CD8A: variants seen among roughly 807,000 people sequenced by gnomAD.
CD8A encodes the protein CD8 subunit alpha, also known as T-cell surface glycoprotein CD8 alpha chain.
Under a neutral mutation model 24.2 loss-of-function variants are expected in CD8A, and 25 were observed. That is an observed-to-expected ratio of 1.03 (90% CI 0.75 to 1.44). The LOEUF (loss-of-function observed/expected upper bound fraction) is 1.44, where lower values mean the gene tolerates loss of function less well. CD8A is among the 40% of genes most tolerant of loss of function. The pLI is 0.00. For synonymous variants in CD8A, 165 were observed against 149.9 expected, an observed-to-expected ratio of 1.10 and a Z score of -0.74; for missense variants, 360 against 319.7, an observed-to-expected ratio of 1.13 and a Z score of -0.96.
At chr2:86,801,671 A>G (rs1673678832) in intron 2 of CD8A, 1 of 152,164 alleles carries the variant, frequency 6.6e-6, no homozygotes, top group Non-Finnish European at 1.5e-5. Context: ...TTTGAAAAAA[A>G]AAGGAAAAAG....
At chr2:86,793,302 A>G (rs1200042683), upstream of CD8A, among the ~76,000 whole-genome samples, 2 of 152,200 alleles carry the variant, frequency 1.3e-5, no homozygotes, top group African/African-American at 2.4e-5. Flanking sequence ...GATATAATGT[A>G]TCTGTATCAC....
At chr2:86,805,377 C>T (rs936790817) in intron 2 of CD8A, among the ~76,000 whole-genome samples, 4 of 152,100 alleles carry the variant, frequency 2.6e-5, no homozygotes, top group African/African-American at 7.2e-5. Flanking sequence ...ATGACTGATT[C>T]GAAAGATGTG....
At position 86,804,794 on chromosome 2, in the gene CD8A, CTTTTTTTTTTT is replaced by C. The variant is rs70958908; in HGVS notation, c.-418+2642_-418+2652del. On this transcript the variant is annotated intron_variant, in intron 2 of 8. Transcript: ENST00000409511. ...AGCCATTCACTGTTCCTTGCTAAAT[CTTTTTTTTTTT>C]TTTTTTTTTTTTTTTGAGACAGAGT... 7.9e-3 allele frequency among the ~76,000 whole-genome samples: 745 copies of C among 94,058 alleles called. 9 individuals are homozygous for C. Among genetic ancestry groups the C allele is most frequent in the African/African-American group, 0.029 (690 of 23,930 alleles). The allele number at this position is 94,058 out of a possible 152,430, so 61.7% of individuals were successfully genotyped here.
intron 2 of CD8A, among the ~76,000 whole-genome samples, chr2:86,789,961 G>C (rs1044356700): frequency 6.6e-6 from 1 of 151,936 alleles, no homozygotes; most frequent in Non-Finnish European, 1.5e-5. Context: ...GCCCAGAGCC[G>C]GAGCGCAGGA....
upstream of CD8A, chr2:86,791,442 T>G: frequency 2.2e-6 from 1 of 444,496 alleles, no homozygotes; most frequent in South Asian, 1.6e-5. Flanking sequence ...CAGCCGAAGC[T>G]TTGGGTGTCG....
intron 5 of CD8A, among the ~76,000 whole-genome samples, chr2:86,786,484 G>A (rs1673000425): frequency 6.6e-6 from 1 of 152,198 alleles, no homozygotes; most frequent in Non-Finnish European, 1.5e-5. Context: ...TTCATCATGA[G>A]CGTCATGTCT....
Position 86,785,083 on chromosome 2 carries a change from C to T in CD8A, c.*837G>A, listed in dbSNP as rs1486122159. 2 of 454,098 alleles carry T rather than the reference C, an allele frequency of 4.4e-6. No homozygotes were observed. Among genetic ancestry groups the T allele is most frequent in the East Asian group, 1.4e-4 (2 of 14,396 alleles). The allele number at this position is 454,098 out of a possible 1,614,324, so 28.1% of individuals were successfully genotyped here. A position where few individuals can be genotyped will look rare whatever the true frequency, so the allele number is the denominator to read the frequency against. Reference sequence around the variant, plus strand: ...GGGCCTTAGTTTAACCTCACTGATGCTCAAATTCTATTTGTAAAGGGGTAG... The same window carrying T: ...GGGCCTTAGTTTAACCTCACTGATGTTCAAATTCTATTTGTAAAGGGGTAG... On this transcript the variant is annotated 3_prime_UTR_variant, in exon 6 of 6. Coordinates refer to ENST00000283635, the MANE Select transcript of CD8A (RefSeq NM_001768.7).
upstream of CD8A, among the ~76,000 whole-genome samples, chr2:86,794,676 G>A (rs1021641871): frequency 6.6e-6 from 1 of 151,938 alleles, no homozygotes; most frequent in Non-Finnish European, 1.5e-5. Context: ...TTCTGCTCTG[G>A]TCCCTTCTAG....
Position 86,790,574 on chromosome 2 carries a change from C to G in CD8A, c.157G>C (p.Gly53Arg). The change falls in exon 2 of 6, where the codon GGC (glycine) becomes CGC (arginine). Residue 53 changes from glycine to arginine, a missense_variant. Gly to Arg is a moderately radical substitution (Grantham distance 125, BLOSUM62 -2). Transcript: ENST00000283635. ...CQVLLSNPTS[G>R]CSWLFQPRGA... ...CGCGGCTGGAAGAGCCACGAGCAGC[C>G]CGACGTCGGGTTGGACAGCAGCACC... is the stretch of plus-strand genomic sequence containing the variant. 6.2e-7 allele frequency: 1 copy of G among 1,612,920 alleles called. No individual in the cohort carries two copies.
upstream of CD8A, chr2:86,791,356 C>G (rs1233555103): frequency 2.7e-6 from 1 of 364,036 alleles, no homozygotes; most frequent in East Asian, 7.3e-5. Flanking sequence ...TTCTGAGGAA[C>G]TCGCTAGAGC....
At position 86,785,521 on chromosome 2, in the gene CD8A, C is replaced by T; in HGVS notation, c.*399G>A. 1 of 467,830 alleles carries T rather than the reference C, an allele frequency of 2.1e-6. No homozygotes were observed. The highest frequency in any genetic ancestry group is 6.6e-4 in the Middle Eastern group (1 of 1,520). The allele number at this position is 467,830 out of a possible 1,614,324, so 29.0% of individuals were successfully genotyped here. On this transcript the variant is annotated 3_prime_UTR_variant, in exon 6 of 6. Transcript: ENST00000283635. ...AGGTCCCTCCAGCTACTGCTCCAAC[C>T]CTGACTTGCTGTGTGCCTTTGATCA...
chr2:86,789,407 A>G lies in CD8A; in HGVS notation c.541T>C (p.Cys181Arg), dbSNP rs1277109787. 10 of 1,613,798 alleles carry G rather than the reference A, an allele frequency of 6.2e-6. No individual in the cohort carries two copies. Among genetic ancestry groups the G allele is most frequent in the Admixed American group, 3.3e-5 (2 of 60,008 alleles). Residue 181 changes from cysteine to arginine, a missense_variant, in exon 4 of 6, where the codon TGT (cysteine) becomes CGT (arginine). By Grantham distance (180) the Cys-to-Arg change is radical (BLOSUM62 -3). Coordinates refer to ENST00000283635, the MANE Select transcript of CD8A (RefSeq NM_001768.7). ...AVHTRGLDFA[C>R]DIYIWAPLAG... Reference sequence around the variant, plus strand: ...AAGGGCGCCCAGATGTAGATATCACAGGCGAAGTCCAGCCCCCTCGTGTGC... The same window carrying G: ...AAGGGCGCCCAGATGTAGATATCACGGGCGAAGTCCAGCCCCCTCGTGTGC...
intron 2 of CD8A, among the ~76,000 whole-genome samples, chr2:86,801,826 A>G (rs1003090279): frequency 6.6e-6 from 1 of 152,234 alleles, no homozygotes; most frequent in Non-Finnish European, 1.5e-5. Context: ...AATAAATAAA[A>G]TAAATCCTGT....
Position 86,790,792 on chromosome 2 carries a change from G to T in CD8A, c.34C>A (p.Leu12Met). ...ALPVTALLLP[L>M]ALLLHAARPS... ...TCAAACTCACGGAGCAGCAAGGCCA[G>T]CGGCAGGAGCAAGGCGGTCACTGGT... Residue 12 changes from leucine (L) to methionine (M), a missense_variant, in exon 1 of 6, where the codon CTG becomes ATG. Transcript: ENST00000283635. The T allele has an allele frequency of 6.6e-7, 1 of 1,504,670 alleles. No individual in the cohort carries two copies. The highest frequency in any genetic ancestry group is 8.9e-7 in the Non-Finnish European group (1 of 1,124,582). 93.2% of individuals were successfully genotyped at this position (1,504,670 alleles called of 1,614,324 possible). A position where few individuals can be genotyped will look rare whatever the true frequency, so the allele number is the denominator to read the frequency against.
At position 86,785,685 on chromosome 2, in the gene CD8A, C is replaced by T. The variant is rs1234044826; in HGVS notation, c.*235G>A. The T allele has an allele frequency of 4.4e-6, 3 of 688,060 alleles. No homozygotes were observed. The highest frequency in any genetic ancestry group is 8.0e-6 in the Non-Finnish European group (3 of 376,428). The allele number at this position is 688,060 out of a possible 1,614,324, so 42.6% of individuals were successfully genotyped here. ...TGGCCTGCCCCTTTCCACGCCCTAC[C>T]GCGATGTGCGCACAACAGTATTGTG... On this transcript the variant is annotated 3_prime_UTR_variant, in exon 6 of 6. Coordinates refer to ENST00000283635, the MANE Select transcript of CD8A (RefSeq NM_001768.7).
rs1672954802 is a variant in CD8A, at chr2:86,785,397, TC to T, written c.*522del. Reference sequence around the variant, plus strand: ...ATCCCAGGTATCAAGAAGTACTTGTTCCCTTGCCGTTGGAGACTCAAGCACC... The same window carrying T: ...ATCCCAGGTATCAAGAAGTACTTGTTCCTTGCCGTTGGAGACTCAAGCACC... On this transcript the variant is annotated 3_prime_UTR_variant, in exon 6 of 6. Coordinates refer to ENST00000283635, the MANE Select transcript of CD8A (RefSeq NM_001768.7). 1 of 454,532 alleles carries T rather than the reference TC, an allele frequency of 2.2e-6. No individual in the cohort carries two copies. The highest frequency in any genetic ancestry group is 1.6e-5 in the South Asian group (1 of 64,470). 28.2% of individuals were successfully genotyped at this position (454,532 alleles called of 1,614,324 possible).
intron 3 of CD8A, among the ~76,000 whole-genome samples, chr2:86,796,754 C>G (rs971850165): frequency 1.3e-5 from 2 of 152,142 alleles, no homozygotes; most frequent in Non-Finnish European, 2.9e-5. Context: ...AACTATCAGG[C>G]CTCCCAGATG....
In CD8A at chr2:86,790,758, C is replaced by T. The variant is rs1199165528; in HGVS notation, c.49+19G>A. 2.6e-6 allele frequency: 4 copies of T among 1,533,426 alleles called. No individual in the cohort carries two copies. In the East Asian group the frequency reaches 7.3e-5, roughly 28 times the overall value. 95.0% of individuals were successfully genotyped at this position (1,533,426 alleles called of 1,614,324 possible). On this transcript the variant is annotated intron_variant, in intron 1 of 5. Coordinates refer to ENST00000283635, the MANE Select transcript of CD8A (RefSeq NM_001768.7). Reference sequence around the variant, plus strand: ...CCCGCCCGCCCCATCCCCTGCCTTCCCGGGCGTCTCAAACTCACGGAGCAG... The same window carrying T: ...CCCGCCCGCCCCATCCCCTGCCTTCTCGGGCGTCTCAAACTCACGGAGCAG...
At chr2:86,799,572 C>T (rs555377022) in intron 3 of CD8A, among the ~76,000 whole-genome samples, 2 of 151,548 alleles carry the variant, frequency 1.3e-5, no homozygotes, top group Non-Finnish European at 2.9e-5. Flanking sequence ...CTGGCTAACA[C>T]GGTGAAACCC....
Sources: gnomAD v4.1 joint callset for allele counts (sites outside exome capture counted in the v4.1 genomes callset) on GRCh38, gnomAD v4.1.1 for gene constraint, MANE v1.5 for transcripts, NCBI Gene and HGNC (gene_info 2026-07-23, HGNC 2026-07-21) for gene names.